The following OSBPL8 variants were observed in gnomAD, a reference collection of about 807,000 sequenced individuals.
The protein encoded by OSBPL8 is oxysterol-binding protein-related protein 8.
Under a neutral mutation model 125.5 loss-of-function variants are expected in OSBPL8, and 59 were observed. The ratio of observed to expected loss-of-function variants is 0.47; its 90% confidence interval spans 0.38 to 0.58. OSBPL8 has a LOEUF of 0.58. Among genes scored for constraint, OSBPL8 ranks in the 20% least tolerant of loss-of-function variants. The pLI, the probability that OSBPL8 is intolerant of heterozygous loss-of-function variation, is 0.00. For missense variants in OSBPL8, 758 were observed against 1,047.8 expected, an observed-to-expected ratio of 0.72 and a Z score of 3.82; for synonymous variants, 330 against 338.9, an observed-to-expected ratio of 0.97 and a Z score of 0.29.
chr12:76,409,282 A>G (rs941175640), intron 5 of OSBPL8, among the ~76,000 whole-genome samples: 4 of 152,188 alleles, frequency 2.6e-5, no homozygotes, highest in Non-Finnish European at 5.9e-5. Flanking sequence ...CTATCCTTAG[A>G]AGAAAGAATC....
At chr12:76,363,219 GCCAAGACAAT>G (rs1039109818) in intron 21 of OSBPL8, among the ~76,000 whole-genome samples, 1 of 152,180 alleles carries the variant, frequency 6.6e-6, no homozygotes, top group African/African-American at 2.4e-5. Context: ...AGCCCATATA[GCCAAGACAAT>G]CCTAAGCAAA....
intron 19 of OSBPL8, among the ~76,000 whole-genome samples, chr12:76,370,515 C>T (rs1404778721): frequency 6.6e-6 from 1 of 152,136 alleles, no homozygotes; most frequent in Non-Finnish European, 1.5e-5. Flanking sequence ...TGAGTCAAGT[C>T]CTAGAGCTGC....
chr12:76,441,237 CA>C lies in OSBPL8; in HGVS notation c.217+9613del, dbSNP rs1872146355. Among the ~76,000 whole-genome samples, 10 of 152,210 alleles carry C rather than the reference CA, an allele frequency of 6.6e-5. No homozygotes were observed. In the South Asian group the frequency reaches 2.1e-3, roughly 32 times the overall value. ...GAGACTCGGAAAATACTGAATTCCC[CA>C]GGGGATATTGGGCCATCTGTCAAAA... On this transcript the variant is annotated intron_variant, in intron 4 of 23. Transcript: ENST00000261183.
chr12:76,427,066 A>C (rs897206946), intron 4 of OSBPL8, among the ~76,000 whole-genome samples: 5 of 152,182 alleles, frequency 3.3e-5, no homozygotes, highest in African/African-American at 4.8e-5. Flanking sequence ...GTGGTAAAAT[A>C]AATGTGGTTT....
At chr12:76,504,731 G>A (rs1339244638) in intron 1 of OSBPL8, among the ~76,000 whole-genome samples, 1 of 152,160 alleles carries the variant, frequency 6.6e-6, no homozygotes, top group African/African-American at 2.4e-5. Context: ...TAAAACTAAT[G>A]AAAAGTCACA....
chr12:76,557,014 T>C (rs1951123923), intron 1 of OSBPL8, among the ~76,000 whole-genome samples: 1 of 152,186 alleles, frequency 6.6e-6, no homozygotes, highest in South Asian at 2.1e-4. Flanking sequence ...TTGCAGGTCA[T>C]TATTTGTAAG....
At chr12:76,546,100 T>C (rs189895376) in intron 1 of OSBPL8, among the ~76,000 whole-genome samples, 221 of 152,296 alleles carry the variant, frequency 1.5e-3, no homozygotes, top group Non-Finnish European at 2.6e-3. Flanking sequence ...GGGACTTCTA[T>C]GCACGGATTT....
intron 4 of OSBPL8, among the ~76,000 whole-genome samples, chr12:76,438,364 G>A (rs79889479): frequency 3.5e-4 from 53 of 150,596 alleles, no homozygotes; most frequent in Middle Eastern, 3.4e-3. Context: ...GAGCAGTGGT[G>A]CGATTACGGC....
chr12:76,470,276 A>C (rs1306740821), intron 2 of OSBPL8, among the ~76,000 whole-genome samples: 3 of 152,210 alleles, frequency 2.0e-5, no homozygotes, highest in African/African-American at 7.2e-5. Context: ...AAAAGAATTA[A>C]AGCTATAACC....
chr12:76,492,492 C>G lies in OSBPL8; in HGVS notation c.-67-4874G>C, dbSNP rs539565545. Among the ~76,000 whole-genome samples, 11 of 152,274 alleles carry G rather than the reference C, an allele frequency of 7.2e-5. No individual in the cohort carries two copies. In the South Asian group the frequency reaches 2.3e-3, roughly 32 times the overall value. On this transcript the variant is annotated intron_variant, in intron 1 of 23. Coordinates refer to ENST00000261183, the MANE Select transcript of OSBPL8 (RefSeq NM_020841.5). ...GTGGCCTGTTAGGACCTGGACCACA[C>G]AGCAGGAGGTGAAAGGTGGGTGAGT...
intron 1 of OSBPL8, among the ~76,000 whole-genome samples, chr12:76,531,592 CA>C (rs1269709302): frequency 3.3e-5 from 5 of 152,218 alleles, no homozygotes; most frequent in Non-Finnish European, 5.9e-5. Flanking sequence ...AAACAGGAAA[CA>C]ATTGAAAGCC....
chr12:76,504,704 A>C (rs1341414350), intron 1 of OSBPL8, among the ~76,000 whole-genome samples: 1 of 152,260 alleles, frequency 6.6e-6, no homozygotes, highest in African/African-American at 2.4e-5. Context: ...GCCCTTTCCA[A>C]AAGTAAACTG....
At position 76,402,673 on chromosome 12, in the gene OSBPL8, A is replaced by G; in HGVS notation, c.366+16T>C. The G allele has an allele frequency of 6.4e-7, 1 of 1,561,082 alleles. No homozygotes were observed. Among genetic ancestry groups the G allele is most frequent in the East Asian group, 2.2e-5 (1 of 44,524 alleles). On this transcript the variant is annotated intron_variant, in intron 6 of 23. Coordinates refer to ENST00000261183, the MANE Select transcript of OSBPL8 (RefSeq NM_020841.5). ...GCACAATGTAAATTACCTTTCAGAA[A>G]CAACTGGAAACTAACCTTAAGAGAT... is the stretch of plus-strand genomic sequence containing the variant.
At chr12:76,409,470 A>G (rs534353493) in intron 5 of OSBPL8, among the ~76,000 whole-genome samples, 1 of 152,272 alleles carries the variant, frequency 6.6e-6, no homozygotes, top group Non-Finnish European at 1.5e-5. Flanking sequence ...TTGGGTCTTC[A>G]TTTCTGAAAG....
intron 1 of OSBPL8, among the ~76,000 whole-genome samples, chr12:76,539,885 T>C (rs573678625): frequency 1.7e-3 from 252 of 152,288 alleles, no homozygotes; most frequent in African/African-American, 5.8e-3. Context: ...CATAGACCCA[T>C]ACACATCCCA....
chr12:76,444,720 GGA>G (rs1473161108), intron 4 of OSBPL8, among the ~76,000 whole-genome samples: 1 of 152,144 alleles, frequency 6.6e-6, no homozygotes, highest in Non-Finnish European at 1.5e-5. Context: ...AGACACACTT[GGA>G]GAGCTTTATA....
At chr12:76,486,271 C>A (rs546052706) in intron 2 of OSBPL8, among the ~76,000 whole-genome samples, 2 of 152,272 alleles carry the variant, frequency 1.3e-5, no homozygotes, top group South Asian at 4.1e-4. Flanking sequence ...GGAGCCTGAA[C>A]AAAGGACATT....
chr12:76,471,495 C>A, intron 2 of OSBPL8, among the ~76,000 whole-genome samples: 1 of 152,140 alleles, frequency 6.6e-6, no homozygotes, highest in East Asian at 1.9e-4. Flanking sequence ...TCTACGTAGT[C>A]TCTCATATTT....
intron 1 of OSBPL8, among the ~76,000 whole-genome samples, chr12:76,555,204 A>T (rs886530500): frequency 6.6e-6 from 1 of 152,216 alleles, no homozygotes; most frequent in Non-Finnish European, 1.5e-5. Flanking sequence ...ATGAATAGAT[A>T]AATGACATTA....
Sources: allele counts gnomAD v4.1 joint callset (sites outside exome capture counted in the v4.1 genomes callset), GRCh38; gene constraint gnomAD v4.1.1; transcripts MANE v1.5; gene names NCBI Gene and HGNC (gene_info 2026-07-23, HGNC 2026-07-21).